The following SLC9A9 variants were observed in gnomAD, a reference collection of about 807,000 sequenced individuals.
The protein encoded by SLC9A9 is solute carrier family 9 member A9.
Under a neutral mutation model 77.8 loss-of-function variants are expected in SLC9A9, and 62 were observed. The observed-to-expected ratio is 0.80, with a 90% CI of 0.65 to 0.98. The LOEUF is 0.98. SLC9A9 is among the 50% of genes least tolerant of loss of function. SLC9A9 has a pLI of 0.00. For missense variants in SLC9A9, 775 were observed against 774.9 expected (o/e 1.00, Z 0.00); for synonymous variants, 320 against 283.5 (o/e 1.13, Z -1.29).
chr3:143,420,189 T>C (rs1319541392), intron 12 of SLC9A9, among the ~76,000 whole-genome samples: 1 of 152,186 alleles, frequency 6.6e-6, no homozygotes, highest in Admixed American at 6.5e-5. Flanking sequence ...TTACTGGCTG[T>C]GTGGCCTTGG....
chr3:143,448,508 T>C (rs1454758487), intron 12 of SLC9A9, among the ~76,000 whole-genome samples: 1 of 152,038 alleles, frequency 6.6e-6, no homozygotes, highest in Non-Finnish European at 1.5e-5. Flanking sequence ...TTGTTAGGCA[T>C]CCTCAAAAGC....
chr3:143,304,211 T>C (rs1053986286), intron 14 of SLC9A9, among the ~76,000 whole-genome samples: 1 of 152,196 alleles, frequency 6.6e-6, no homozygotes, highest in Non-Finnish European at 1.5e-5. Context: ...GTATTTCTCC[T>C]TTTTCTGCCT....
chr3:143,578,300 C>T (rs1259134377), intron 7 of SLC9A9, among the ~76,000 whole-genome samples: 1 of 152,134 alleles, frequency 6.6e-6, no homozygotes, highest in Non-Finnish European at 1.5e-5. Context: ...CACTAGTTTT[C>T]CTAGGTGATA....
At chr3:143,818,620 G>C (rs1452248412) in intron 2 of SLC9A9, among the ~76,000 whole-genome samples, 2 of 152,064 alleles carry the variant, frequency 1.3e-5, no homozygotes, top group Non-Finnish European at 2.9e-5. Context: ...TGATTTTTAA[G>C]TGTGGTAAAA....
chr3:143,678,732 A>G (rs1046328131), intron 5 of SLC9A9, among the ~76,000 whole-genome samples: 7 of 152,194 alleles, frequency 4.6e-5, no homozygotes, highest in African/African-American at 1.7e-4. Context: ...TCATGGTTTT[A>G]TTCCACTTTA....
intron 5 of SLC9A9, among the ~76,000 whole-genome samples, chr3:143,674,488 G>A (rs1285532870): frequency 2.0e-5 from 3 of 152,092 alleles, no homozygotes; most frequent in African/African-American, 4.8e-5. Context: ...ATAAACACAC[G>A]AGCAGTGCCA....
rs140553067 is a variant in SLC9A9 at position 143,663,181 on chromosome 3, G to A, written c.650-10821C>T. Among the ~76,000 whole-genome samples the A allele has an allele frequency of 3.9e-3, 591 of 152,336 alleles. 3 individuals are homozygous for A. The highest frequency in any genetic ancestry group is 0.014 in the African/African-American group (578 of 41,568). On this transcript the variant is annotated intron_variant, in intron 5 of 15. Coordinates refer to ENST00000316549, the MANE Select transcript of SLC9A9 (RefSeq NM_173653.4). The stretch of plus-strand genomic sequence containing the variant: ...GATACCCAGGCAAACAGGGTCTGCA[G>A]TGGACCTCCAGCAAACTCCAACAGA...
chr3:143,471,361 G>C (rs2035375531), intron 11 of SLC9A9, among the ~76,000 whole-genome samples: 1 of 152,162 alleles, frequency 6.6e-6, no homozygotes, highest in Admixed American at 6.5e-5. Context: ...TTCATTTAAA[G>C]TGTGTGTATT....
chr3:143,685,640 G>A (rs1346061578), intron 5 of SLC9A9, among the ~76,000 whole-genome samples: 2 of 152,174 alleles, frequency 1.3e-5, no homozygotes, highest in Non-Finnish European at 2.9e-5. Context: ...ACTTGAATGA[G>A]TGGCTTCCTG....
At chr3:143,484,372 T>G (rs1277700076) in intron 11 of SLC9A9, among the ~76,000 whole-genome samples, 1 of 152,212 alleles carries the variant, frequency 6.6e-6, no homozygotes, top group Non-Finnish European at 1.5e-5. Context: ...AAGTTGACCT[T>G]TCAAGTGCTT....
chr3:143,353,310 T>C (rs1425656922), intron 14 of SLC9A9, among the ~76,000 whole-genome samples: 1 of 152,198 alleles, frequency 6.6e-6, no homozygotes, highest in Non-Finnish European at 1.5e-5. Context: ...GAAGCCTGAC[T>C]CCCAAGGTGA....
At chr3:143,696,460 GA>G (rs1332596597) in intron 4 of SLC9A9, among the ~76,000 whole-genome samples, 1 of 152,178 alleles carries the variant, frequency 6.6e-6, no homozygotes, top group Admixed American at 6.6e-5. Flanking sequence ...GACACAATCA[GA>G]AATTCAAATT....
chr3:143,521,589 A>G (rs971466580), intron 9 of SLC9A9, among the ~76,000 whole-genome samples: 4 of 151,868 alleles, frequency 2.6e-5, no homozygotes, highest in African/African-American at 9.7e-5. Flanking sequence ...CTTTTTCTAT[A>G]CTTTTATATT....
At chr3:143,381,456 T>C (rs1368726818) in intron 13 of SLC9A9, 1 of 154,490 alleles carries the variant, frequency 6.5e-6, no homozygotes, top group African/African-American at 2.4e-5. Context: ...TGTAAGTCCA[T>C]TAAACCTTTT....
At chr3:143,318,125 G>A (rs2031289284) in intron 14 of SLC9A9, among the ~76,000 whole-genome samples, 1 of 152,182 alleles carries the variant, frequency 6.6e-6, no homozygotes, top group South Asian at 2.1e-4. Context: ...AGTGGGGCTG[G>A]ATGTTGATGT....
chr3:143,426,845 A>C (rs2034416133), intron 12 of SLC9A9, among the ~76,000 whole-genome samples: 1 of 152,228 alleles, frequency 6.6e-6, no homozygotes, highest in Admixed American at 6.5e-5. Flanking sequence ...CTCTGAGATA[A>C]TTTGTTATAA....
intron 2 of SLC9A9, among the ~76,000 whole-genome samples, chr3:143,815,257 A>T (rs973983301): frequency 3.9e-5 from 6 of 152,192 alleles, no homozygotes; most frequent in South Asian, 4.1e-4. Flanking sequence ...TAAAAAAATT[A>T]AAAAAGCACT....
rs916020875 is a variant in SLC9A9, at chr3:143,735,058, G to A, written c.534-41751C>T. 2.6e-5 allele frequency among the ~76,000 whole-genome samples: 4 copies of A among 152,302 alleles called. No homozygotes were observed. The East Asian group carries it at 5.8e-4, about 22-fold the overall frequency. ...TTAGCATACTCAGATTCGAACACTT[G>A]CCGACTCCTCTGGGACACAGAATGC... On this transcript the variant is annotated intron_variant, in intron 4 of 15. Transcript: ENST00000316549.
At chr3:143,400,196 G>T (rs1398138446) in intron 12 of SLC9A9, among the ~76,000 whole-genome samples, 1 of 152,102 alleles carries the variant, frequency 6.6e-6, no homozygotes, top group Admixed American at 6.5e-5. Context: ...ATAATGTCAA[G>T]CCATTATACA....
Sources: allele counts gnomAD v4.1 joint callset (sites outside exome capture counted in the v4.1 genomes callset), GRCh38; gene constraint gnomAD v4.1.1; transcripts MANE v1.5; gene names NCBI Gene and HGNC (gene_info 2026-07-23, HGNC 2026-07-21).